WDR87: variants seen among roughly 807,000 people sequenced by gnomAD.
The protein encoded by WDR87 is WD repeat-containing protein 87.
Under a neutral mutation model 83.3 loss-of-function variants are expected in WDR87, and 56 were observed. The ratio of observed to expected loss-of-function variants is 0.67; its 90% CI spans 0.54 to 0.84. The LOEUF (loss-of-function observed/expected upper bound fraction) is 0.84, where lower values mean the gene tolerates loss of function less well. Among genes scored for constraint, WDR87 ranks in the 40% least tolerant of loss-of-function variants. The pLI, the probability that WDR87 is intolerant of heterozygous loss-of-function variation, is 0.00. For synonymous variants in WDR87, 1,173 were observed against 1,250.6 expected (o/e 0.94, Z 1.31); for missense variants, 2,939 against 3,431.9 (o/e 0.86, Z 3.59).
At position 37,886,375 on chromosome 19, in the gene WDR87, C is replaced by T. The variant is rs1436491063; in HGVS notation, c.7296G>A (p.Leu2432=). The T allele has an allele frequency of 7.8e-6, 12 of 1,547,846 alleles. No homozygotes were observed. Among genetic ancestry groups the T allele is most frequent in the Non-Finnish European group, 9.6e-6 (11 of 1,146,100 alleles). ...LGVLKSPLKK[L]MSTALEMKEK... is the part of the protein sequence containing the mutation. The stretch of plus-strand genomic sequence containing the variant: ...CTTTCATCTCCAGAGCTGTTGACAT[C>T]AGTTTCTTCAAAGGGCTTTTTAGAA... The change falls in exon 6 of 6, where the codon CTG becomes CTA. Residue 2432 remains leucine, a synonymous_variant. Transcript: ENST00000447313.
In WDR87 at chr19:37,890,096, A is replaced by G. The variant is rs1011692700; in HGVS notation, c.3575T>C (p.Val1192Ala). Residue 1192 changes from valine to alanine, a missense_variant, in exon 6 of 6, where the codon GTT becomes GCT. Coordinates refer to ENST00000447313, the MANE Select transcript of WDR87 (RefSeq NM_001291088.2). Reference protein sequence around the residue: ...STSVIKLSKDVDSQEKDISKD... With the variant: ...STSVIKLSKDADSQEKDISKD... ...CGAGATATCTTTCTCTTGAGAATCA[A>G]CATCTTTTGAGAGCTTTATTACACT... is the stretch of plus-strand genomic sequence containing the variant. The G allele has an allele frequency of 6.4e-6, 10 of 1,551,844 alleles. No individual in the cohort carries two copies. Among genetic ancestry groups the G allele is most frequent in the African/African-American group, 1.4e-5 (1 of 73,052 alleles).
Position 37,887,646 on chromosome 19 carries a change from G to T in WDR87, c.6025C>A (p.Leu2009Met), listed in dbSNP as rs942300243. 3.2e-6 allele frequency: 5 copies of T among 1,552,126 alleles called. No individual in the cohort carries two copies. Among genetic ancestry groups the T allele is most frequent in the Middle Eastern group, 1.7e-4 (1 of 5,998 alleles). Residue 2009 changes from leucine (L) to methionine (M), a missense_variant, in exon 6 of 6, where the codon CTG (leucine) becomes ATG (methionine). Physicochemically the swap from Leu to Met is conservative, Grantham distance 15 (BLOSUM62 2). Around this residue, in one of 3 missense-constraint regions of WDR87, gnomAD observed 2,160 missense variants for 2,533.1 expected, o/e 0.85. Coordinates refer to ENST00000447313, the MANE Select transcript of WDR87 (RefSeq NM_001291088.2). ...EKALNLEMKR[L>M]AEEKMRLVEG... ...ACCAGTCTCATCTTCTCCTCAGCCA[G>T]TCTTTTCATTTCCAGGTTCAATGCC...
Position 37,888,164 on chromosome 19 carries a change from C to T in WDR87, c.5507G>A (p.Arg1836Lys). 6.4e-7 allele frequency: 1 copy of T among 1,552,102 alleles called. No homozygotes were observed. The highest frequency in any genetic ancestry group is 8.7e-7 in the Non-Finnish European group (1 of 1,147,094). The change falls in exon 6 of 6, where the codon AGA becomes AAA. Residue 1836 changes from arginine (R) to lysine (K), a missense_variant. By Grantham distance (26) the Arg-to-Lys change is conservative. Around this residue, in one of 3 missense-constraint regions of WDR87, gnomAD observed 2,160 missense variants for 2,533.1 expected, o/e 0.85. Coordinates refer to ENST00000447313, the MANE Select transcript of WDR87 (RefSeq NM_001291088.2). ...HKEKMPEEEE[R>K]LGRKREQLIE... ...CAATTGCTCCCTTTTCCGTCCCAGTCTTTCCTCTTCCTCAGGCATTTTTTC... is the reference window on the plus strand; with the variant it reads ...CAATTGCTCCCTTTTCCGTCCCAGTTTTTCCTCTTCCTCAGGCATTTTTTC...
At position 37,895,327 on chromosome 19, in the gene WDR87, CACAGTAGACCACGAGGATATG is replaced by C. The variant is rs1460511089; in HGVS notation, c.355_375del (p.His119_Cys125del). 4 of 1,551,712 alleles carry C rather than the reference CACAGTAGACCACGAGGATATG, an allele frequency of 2.6e-6. No individual in the cohort carries two copies. The highest frequency in any genetic ancestry group is 2.0e-5 in the Admixed American group (1 of 51,008). ...CCAAAGAGTCGCAGGATCAGGTCAC[CACAGTAGACCACGAGGATATG>C]AAAGGAGCCTGCATGGACCATGGAC... On this transcript the variant is annotated inframe_deletion, in exon 4 of 6. Transcript: ENST00000447313.
At position 37,893,965 on chromosome 19, in the gene WDR87, G is replaced by T; in HGVS notation, c.1738C>A (p.Arg580Ser). The change falls in exon 4 of 6, where the codon CGT becomes AGT. Residue 580 changes from arginine to serine, a missense_variant. By Grantham distance (110) the Arg-to-Ser change is moderately radical. Transcript: ENST00000447313. ...AGAAAATCATGGAACTTCCAGAGAC[G>T]CAGGCAGTTTGTCTCTGTGATGGCA... ...VGAITETNCL[R>S]LWKFHDFLSS... The T allele has an allele frequency of 6.4e-7, 1 of 1,551,766 alleles. No individual in the cohort carries two copies. The highest frequency in any genetic ancestry group is 2.4e-5 in the East Asian group (1 of 40,922).
Position 37,888,441 on chromosome 19 carries a change from G to T in WDR87, c.5230C>A (p.Gln1744Lys), listed in dbSNP as rs2046171122. 1 of 1,551,470 alleles carries T rather than the reference G, an allele frequency of 6.4e-7. No individual in the cohort carries two copies. The change falls in exon 6 of 6, where the codon CAA (glutamine) becomes AAA (lysine). Residue 1744 changes from glutamine (Q) to lysine (K), a missense_variant. Physicochemically the swap from Gln to Lys is moderately conservative, Grantham distance 53. Around this residue, in one of 3 missense-constraint regions of WDR87, gnomAD observed 2,160 missense variants for 2,533.1 expected, o/e 0.85. Transcript: ENST00000447313. ...QKVEELPQRE[Q>K]NLDWQEKELA... ...TCCTTTTCTTGCCAGTCCAGATTTT[G>T]TTCCCTCTGGGGCAGTTCTTCCACT...
chr19:37,887,443 T>C lies in WDR87; in HGVS notation c.6228A>G (p.Glu2076=). Residue 2076 remains glutamate (E), a synonymous_variant, in exon 6 of 6, where the codon GAA becomes GAG. Coordinates refer to ENST00000447313, the MANE Select transcript of WDR87 (RefSeq NM_001291088.2). ...CAAATATTCTCTGTCCTCTAGTAAATTCCAGTTTTCCTTTGGCAATTTCGC... is the reference window on the plus strand; with the variant it reads ...CAAATATTCTCTGTCCTCTAGTAAACTCCAGTTTTCCTTTGGCAATTTCGC... ...EESEIAKGKL[E]FTRGQRIFVQ... 2 of 1,551,664 alleles carry C rather than the reference T, an allele frequency of 1.3e-6. No individual in the cohort carries two copies. Among genetic ancestry groups the C allele is most frequent in the Middle Eastern group, 3.3e-4 (2 of 5,992 alleles).
chr19:37,889,698 G>T lies in WDR87; in HGVS notation c.3973C>A (p.Leu1325Ile), dbSNP rs1410844424. ...AATAGGGGGCAGATCTCCTGAAAGA[G>T]TTCCCAGCTGGGGTGCCTATCTACC... is the stretch of plus-strand genomic sequence containing the variant. ...MLVDRHPSWE[L>I]FQEICPLLKK... The change falls in exon 6 of 6, where the codon CTC becomes ATC. Residue 1325 changes from leucine (L) to isoleucine (I), a missense_variant. Transcript: ENST00000447313. 6.4e-6 allele frequency: 10 copies of T among 1,551,590 alleles called. No homozygotes were observed. Among genetic ancestry groups the T allele is most frequent in the Non-Finnish European group, 8.7e-7 (1 of 1,147,024 alleles).
chr19:37,899,762 G>C (rs2046282606), intron 1 of WDR87, among the ~76,000 whole-genome samples: 1 of 151,830 alleles, frequency 6.6e-6, no homozygotes, highest in Non-Finnish European at 1.5e-5. Flanking sequence ...TTGTTTTTTT[G>C]TTTCAATTTT....
chr19:37,888,546 C>T lies in WDR87; in HGVS notation c.5125G>A (p.Glu1709Lys). ...QKRKKLAKKW[E>K]KVAREEEKLA... Reference sequence around the variant, plus strand: ...TTCTCTTCTTCTCTAGCCACTTTCTCCCATTTCTTGGCCAGTTTCTTCCTT... The same window carrying T: ...TTCTCTTCTTCTCTAGCCACTTTCTTCCATTTCTTGGCCAGTTTCTTCCTT... The change falls in exon 6 of 6, where the codon GAG becomes AAG. Residue 1709 changes from glutamate (E) to lysine (K), a missense_variant. Glu to Lys is a moderately conservative substitution (Grantham distance 56). Coordinates refer to ENST00000447313, the MANE Select transcript of WDR87 (RefSeq NM_001291088.2). The T allele has an allele frequency of 1.3e-6, 2 of 1,551,854 alleles. No individual in the cohort carries two copies. The highest frequency in any genetic ancestry group is 1.7e-6 in the Non-Finnish European group (2 of 1,147,050).
At chr19:37,901,682 T>G (rs2046294514) in intron 1 of WDR87, among the ~76,000 whole-genome samples, 2 of 152,200 alleles carry the variant, frequency 1.3e-5, no homozygotes, top group Non-Finnish European at 2.9e-5. Flanking sequence ...AGGAGGACTT[T>G]CAAACCCCAA....
At chr19:37,906,155 C>T (rs1040092037) in intron 1 of WDR87, among the ~76,000 whole-genome samples, 3 of 152,132 alleles carry the variant, frequency 2.0e-5, no homozygotes, top group Non-Finnish European at 4.4e-5. Flanking sequence ...CTCGGTAACT[C>T]TTATGGAGGA....
Position 37,892,625 on chromosome 19 carries a change from G to A in WDR87, c.3078C>T (p.Thr1026=). The change falls in exon 4 of 6, where the codon ACC becomes ACT. Residue 1026 remains threonine (T), a synonymous_variant. Transcript: ENST00000447313. ...GTTTTTGGGTCAGCTGTAAGAGTGA[G>A]GTCCTAGAGTGGATTCCAATCTCAG... is the stretch of plus-strand genomic sequence containing the variant. ...LMAEIGIHSR[T]SLLQLTQKQE... is the part of the protein sequence containing the mutation. 1 of 1,530,784 alleles carries A rather than the reference G, an allele frequency of 6.5e-7. No individual in the cohort carries two copies. The highest frequency in any genetic ancestry group is 8.8e-7 in the Non-Finnish European group (1 of 1,131,942). 94.8% of individuals were successfully genotyped at this position (1,530,784 alleles called of 1,614,324 possible). A position where few individuals can be genotyped will look rare whatever the true frequency, so the allele number is the denominator to read the frequency against.
rs1568450153 is a variant in WDR87 at position 37,888,818 on chromosome 19, C to CTG, written c.4851_4852dup (p.Arg1618ThrfsTer18). ...TTTTTTTTCAGCTCGGGCTCGTTTC[C>CTG]TGTGTATTCTGGCCCATTTGTGTTC... is the stretch of plus-strand genomic sequence containing the variant. On this transcript the variant is annotated frameshift_variant, in exon 6 of 6. Transcript: ENST00000447313. LOFTEE classifies it low-confidence loss of function (END_TRUNC). The CTG allele has an allele frequency of 6.4e-7, 1 of 1,551,630 alleles. No homozygotes were observed. The highest frequency in any genetic ancestry group is 8.7e-7 in the Non-Finnish European group (1 of 1,146,990).
In WDR87 at chr19:37,887,562, T is replaced by C. The variant is rs1271715058; in HGVS notation, c.6109A>G (p.Met2037Val). The C allele has an allele frequency of 6.4e-7, 1 of 1,551,752 alleles. No individual in the cohort carries two copies. Among genetic ancestry groups the C allele is most frequent in the East Asian group, 2.4e-5 (1 of 40,928 alleles). The part of the protein sequence containing the change: ...ETPETSRQRK[M>V]TQVEQELFER... The stretch of plus-strand genomic sequence containing the variant: ...AATAGTTCTTGTTCAACTTGAGTCA[T>C]TTTCCTTTGTCTAGAAGTTTCTGGA... The change falls in exon 6 of 6, where the codon ATG becomes GTG. Residue 2037 changes from methionine (M) to valine (V), a missense_variant. Met to Val is a conservative substitution (Grantham distance 21). Coordinates refer to ENST00000447313, the MANE Select transcript of WDR87 (RefSeq NM_001291088.2).
At chr19:37,904,640 C>T (rs1028770303) in intron 1 of WDR87, among the ~76,000 whole-genome samples, 3 of 152,126 alleles carry the variant, frequency 2.0e-5, no homozygotes, top group African/African-American at 7.2e-5. Flanking sequence ...AGGCGTGAGC[C>T]ACTGTGCCTG....
In WDR87 at chr19:37,893,695, A is replaced by G; in HGVS notation, c.2008T>C (p.Tyr670His). 6.4e-7 allele frequency: 1 copy of G among 1,552,004 alleles called. No individual in the cohort carries two copies. The highest frequency in any genetic ancestry group is 8.7e-7 in the Non-Finnish European group (1 of 1,147,084). ...AGCAATTTTAAACAGGACACTAGGTAAAGACTCTGGTTAAAAGTCACAAGC... is the reference window on the plus strand; with the variant it reads ...AGCAATTTTAAACAGGACACTAGGTGAAGACTCTGGTTAAAAGTCACAAGC... Reference protein sequence around the residue: ...DLLVTFNQSLYLVSCLKLLPP... With the variant: ...DLLVTFNQSLHLVSCLKLLPP... The change falls in exon 4 of 6, where the codon TAC becomes CAC. Residue 670 changes from tyrosine (Y) to histidine (H), a missense_variant. By Grantham distance (83) the Tyr-to-His change is moderately conservative. Transcript: ENST00000447313.
chr19:37,885,969 G>A lies in WDR87; in HGVS notation c.7702C>T (p.Arg2568Cys), dbSNP rs553736310. The change falls in exon 6 of 6, where the codon CGC becomes TGC. Residue 2568 changes from arginine (R) to cysteine (C), a missense_variant. Physicochemically the swap from Arg to Cys is radical, Grantham distance 180. Around this residue, in one of 3 missense-constraint regions of WDR87, gnomAD observed 2,160 missense variants for 2,533.1 expected, o/e 0.85. Coordinates refer to ENST00000447313, the MANE Select transcript of WDR87 (RefSeq NM_001291088.2). The stretch of plus-strand genomic sequence containing the variant: ...GCTTCCATTCGTTCTAGGACATGGC[G>A]GATCCACTCTACATCTGAGAGGCTT... ...DVSLSDVEWI[R>C]HVLERMEAGE... 27 of 1,552,104 alleles carry A rather than the reference G, an allele frequency of 1.7e-5. No homozygotes were observed. In the East Asian group the frequency reaches 2.4e-4, roughly 14 times the overall value.
intron 5 of WDR87, among the ~76,000 whole-genome samples, chr19:37,891,158 G>T (rs1279568083): frequency 7.8e-6 from 1 of 128,296 alleles, no homozygotes; most frequent in African/African-American, 3.0e-5. Flanking sequence ...TTCCCACCTG[G>T]TATCTCTCTT....
Sources: gnomAD v4.1 joint callset for allele counts (sites outside exome capture counted in the v4.1 genomes callset) on GRCh38, gnomAD v4.1.1 for gene constraint, gnomAD v4.1.1 regional missense constraint, MANE v1.5 for transcripts, NCBI Gene and HGNC (gene_info 2026-07-23, HGNC 2026-07-21) for gene names.